The following MTA2 variants were observed in gnomAD, a reference collection of about 807,000 sequenced individuals.
MTA2 encodes metastasis-associated protein MTA2.
A neutral mutation model predicts 87.1 loss-of-function variants in MTA2; 22 were observed. The ratio of observed to expected loss-of-function variants is 0.25; its 90% CI spans 0.18 to 0.36. The LOEUF is 0.36. Among genes scored for constraint, MTA2 ranks in the 10% least tolerant of loss-of-function variants. MTA2 has a pLI of 1.00. For synonymous variants in MTA2, 314 were observed against 310.1 expected (o/e 1.01, Z -0.13); for missense variants, 542 against 853.2 (o/e 0.64, Z 4.54).
At chr11:62,597,769 CTT>C in intron 6 of MTA2, 57 bp from the exon 7 acceptor site, 2 of 1,415,510 alleles carry the variant, frequency 1.4e-6, no homozygotes, top group Non-Finnish European at 2.0e-6. Context: ...CAGTTGGTGT[CTT>C]TTCATTCACA....
Position 62,595,478 on chromosome 11 carries a change from CCTT to C in MTA2, c.1266_1268del (p.Arg423del), listed in dbSNP as rs1565043735. The C allele has an allele frequency of 6.2e-7, 1 of 1,614,064 alleles. No individual in the cohort carries two copies. Among genetic ancestry groups the C allele is most frequent in the South Asian group, 1.1e-5 (1 of 91,070 alleles). ...GAGCTTCAGGTCTGGATAAATGACC[CCTT>C]GAGTGTGGCTCCTAGAAGAAGAGCA... is the stretch of plus-strand genomic sequence containing the variant. On this transcript the variant is annotated inframe_deletion, in exon 14 of 18. Coordinates refer to ENST00000278823, the MANE Select transcript of MTA2 (RefSeq NM_004739.4). The surrounding 1 kb of genome is among the most constrained non-coding windows in gnomAD (Gnocchi z 4.9).
chr11:62,594,165 C>A, intron 17 of MTA2, 94 bp downstream of exon 17: 1 of 1,572,996 alleles, frequency 6.4e-7, no homozygotes, highest in Non-Finnish European at 8.6e-7. Context: ...CCTGCATCCA[C>A]AACTTTCCTG....
chr11:62,594,056 A>G lies in MTA2; in HGVS notation c.1842-16T>C, dbSNP rs1401678363. On this transcript the variant is annotated splice_polypyrimidine_tract_variant and intron_variant, in intron 17 of 17. Coordinates refer to ENST00000278823, the MANE Select transcript of MTA2 (RefSeq NM_004739.4). ...CCGTAGGGCCCTGGCCAGAAAGAGC[A>G]AGTGGGAAACAGAAAAGGCTTAGAG... 1.9e-6 allele frequency: 3 copies of G among 1,578,410 alleles called. No homozygotes were observed. The East Asian group carries it at 6.7e-5, about 35-fold the overall frequency.
chr11:62,594,929 C>A, intron 15 of MTA2, 52 bp downstream of exon 15: 1 of 1,504,166 alleles, frequency 6.6e-7, no homozygotes, highest in Non-Finnish European at 9.2e-7. Flanking sequence ...AGATGTCAGA[C>A]AGGGAAAGGA....
chr11:62,598,758 G>A, intron 3 of MTA2, 119 bp from the exon 4 acceptor site: 2 of 887,798 alleles, frequency 2.3e-6, no homozygotes, highest in South Asian at 1.5e-5. Flanking sequence ...ACATTTCCCA[G>A]GCGTCTGCCT....
chr11:62,596,839 G>A lies in MTA2; in HGVS notation c.694-14C>T, dbSNP rs745984758. 3 of 1,587,176 alleles carry A rather than the reference G, an allele frequency of 1.9e-6. No individual in the cohort carries two copies. The highest frequency in any genetic ancestry group is 1.8e-5 in the Admixed American group (1 of 55,488). ...CATGGCGTGAAACTATGGGGAAGAT[G>A]GAGAGCAACTGAGGACCTGAAACTT... On this transcript the variant is annotated splice_polypyrimidine_tract_variant and intron_variant, in intron 8 of 17. Transcript: ENST00000278823.
intron 15 of MTA2, 42 bp from the exon 16 acceptor site, chr11:62,594,676 C>T: frequency 3.8e-6 from 6 of 1,564,118 alleles, no homozygotes; most frequent in Non-Finnish European, 5.3e-6. Context: ...TCTTCCCACG[C>T]AGTTCCCCTT....
At position 62,593,681 on chromosome 11, in the gene MTA2, G is replaced by A. The variant is rs1043571261; in HGVS notation, c.*194C>T. On this transcript the variant is annotated 3_prime_UTR_variant, in exon 18 of 18. Coordinates refer to ENST00000278823, the MANE Select transcript of MTA2 (RefSeq NM_004739.4). ...AAGTTCCTGCAGTCTGTCCTCCATC[G>A]GCAAGCATGGAGGCATGAGACAAGT... The A allele has an allele frequency of 1.7e-5, 11 of 637,260 alleles. No homozygotes were observed. The highest frequency in any genetic ancestry group is 5.6e-5 in the African/African-American group (3 of 53,886). 39.5% of individuals were successfully genotyped at this position (637,260 alleles called of 1,614,324 possible).
chr11:62,594,684 CTT>C (rs746181132), intron 15 of MTA2, 50 bp from the exon 16 acceptor site: 19 of 1,520,548 alleles, frequency 1.2e-5, no homozygotes, highest in Admixed American at 6.8e-5. Context: ...CGCAGTTCCC[CTT>C]TGTTACTTCC....
rs1419246860 is a variant in MTA2 at position 62,601,624 on chromosome 11, C to T, written c.-174G>A. The T allele has an allele frequency of 1.5e-6, 1 of 655,352 alleles. No individual in the cohort carries two copies. The highest frequency in any genetic ancestry group is 2.4e-6 in the Non-Finnish European group (1 of 410,104). 40.6% of individuals were successfully genotyped at this position (655,352 alleles called of 1,614,324 possible). A position where few individuals can be genotyped will look rare whatever the true frequency, so the allele number is the denominator to read the frequency against. On this transcript the variant is annotated 5_prime_UTR_variant, in exon 1 of 18. Coordinates refer to ENST00000278823, the MANE Select transcript of MTA2 (RefSeq NM_004739.4). ...AGCCGTCGCGGTTCATCCCGGCCCG[C>T]GCTGTCGCCGCCGCAGCTATCGCCT...
intron 17 of MTA2, 100 bp downstream of exon 17, chr11:62,594,159 C>T: frequency 6.4e-7 from 1 of 1,567,224 alleles, no homozygotes; most frequent in Non-Finnish European, 8.7e-7. Flanking sequence ...CCCCACCCTG[C>T]ATCCACAACT....
Position 62,593,872 on chromosome 11 carries a change from TG to T in MTA2, c.*2del. ...TCAGCCCACCTCCCTTCCCCACAGG[TG>T]CTCAGTCCTCCAGGACAATAGGCTC... On this transcript the variant is annotated 3_prime_UTR_variant, in exon 18 of 18. Coordinates refer to ENST00000278823, the MANE Select transcript of MTA2 (RefSeq NM_004739.4). The T allele has an allele frequency of 6.2e-7, 1 of 1,614,004 alleles. No homozygotes were observed. Among genetic ancestry groups the T allele is most frequent in the Non-Finnish European group, 8.5e-7 (1 of 1,179,960 alleles).
At position 62,601,618 on chromosome 11, in the gene MTA2, G is replaced by A. The variant is rs1942203507; in HGVS notation, c.-168C>T. On this transcript the variant is annotated 5_prime_UTR_variant, in exon 1 of 18. Transcript: ENST00000278823. ...TGCCTCAGCCGTCGCGGTTCATCCC[G>A]GCCCGCGCTGTCGCCGCCGCAGCTA... 2 of 711,856 alleles carry A rather than the reference G, an allele frequency of 2.8e-6. No individual in the cohort carries two copies. The highest frequency in any genetic ancestry group is 1.9e-5 in the African/African-American group (1 of 52,576). 44.1% of individuals were successfully genotyped at this position (711,856 alleles called of 1,614,324 possible).
In MTA2 at chr11:62,593,699, A is replaced by G; in HGVS notation, c.*176T>C. 1.4e-6 allele frequency: 1 copy of G among 707,198 alleles called. No homozygotes were observed. The highest frequency in any genetic ancestry group is 2.3e-6 in the Non-Finnish European group (1 of 436,274). The allele number at this position is 707,198 out of a possible 1,614,324, so 43.8% of individuals were successfully genotyped here. ...CTCCATCGGCAAGCATGGAGGCATG[A>G]GACAAGTCTCGAGGTGGTAACACCA... On this transcript the variant is annotated 3_prime_UTR_variant, in exon 18 of 18. Coordinates refer to ENST00000278823, the MANE Select transcript of MTA2 (RefSeq NM_004739.4).
rs1942060581 is a variant in MTA2 at position 62,593,950 on chromosome 11, T to C, written c.1932A>G (p.Ala644=). Residue 644 remains alanine, a synonymous_variant, in exon 18 of 18, where the codon GCA becomes GCG. Coordinates refer to ENST00000278823, the MANE Select transcript of MTA2 (RefSeq NM_004739.4). ...LPLKVKPTLI[A]VRPPVPLPAP... ...CAGGTAGAGGGACAGGGGGCCGCAC[T>C]GCAATCAGCGTTGGCTTCACCTTCA... 2 of 1,614,154 alleles carry C rather than the reference T, an allele frequency of 1.2e-6. No individual in the cohort carries two copies. Among genetic ancestry groups the C allele is most frequent in the East Asian group, 4.5e-5 (2 of 44,874 alleles).
Position 62,601,790 on chromosome 11 carries a change from G to C in MTA2, c.-340C>G. On this transcript the variant is annotated 5_prime_UTR_variant, in exon 1 of 18. Transcript: ENST00000278823. ...GTCGTTGGGCTCTGCCGGCCGCAGG[G>C]AAGGCTTGCCGGGCCCGCCTCAGGG... 5.9e-6 allele frequency: 3 copies of C among 505,568 alleles called. No homozygotes were observed. Among genetic ancestry groups the C allele is most frequent in the Admixed American group, 8.2e-5 (2 of 24,286 alleles). The allele number at this position is 505,568 out of a possible 1,614,324, so 31.3% of individuals were successfully genotyped here. A position where few individuals can be genotyped will look rare whatever the true frequency, so the allele number is the denominator to read the frequency against.
chr11:62,595,107 C>T lies in MTA2; in HGVS notation c.1484-37G>A. 1 of 1,602,660 alleles carries T rather than the reference C, an allele frequency of 6.2e-7. No homozygotes were observed. ...AGAAGAAAGCTTCTGAAGGGCTTCA[C>T]CATTCAGGTCTCCTCTAAGGCCAGA... On this transcript the variant is annotated intron_variant, in intron 14 of 17. Coordinates refer to ENST00000278823, the MANE Select transcript of MTA2 (RefSeq NM_004739.4). This position sits in a 1 kb window ranked among gnomAD's most constrained non-coding sequence, Gnocchi z 4.9.
rs552048908 is a variant in MTA2, at chr11:62,595,481, T to C, written c.1266A>G (p.Ser422=). 26 of 1,614,184 alleles carry C rather than the reference T, an allele frequency of 1.6e-5. No individual in the cohort carries two copies. Among genetic ancestry groups the C allele is most frequent in the Admixed American group, 3.3e-5 (2 of 60,024 alleles). Residue 422 remains serine (S), a synonymous_variant, in exon 14 of 18, where the codon TCA becomes TCG. Transcript: ENST00000278823. This position sits in a 1 kb window ranked among gnomAD's most constrained non-coding sequence, Gnocchi z 4.9. ...CTTCAGGTCTGGATAAATGACCCCT[T>C]GAGTGTGGCTCCTAGAAGAAGAGCA... ...GATRGTTEPH[S]RGHLSRPEAQ...
chr11:62,600,468 G>C lies in MTA2; in HGVS notation c.96+154C>G, dbSNP rs185165508. 178 of 841,696 alleles carry C rather than the reference G, an allele frequency of 2.1e-4. 1 individual carries two copies. The highest frequency in any genetic ancestry group is 1.8e-3 in the East Asian group (66 of 37,564). 52.1% of individuals were successfully genotyped at this position (841,696 alleles called of 1,614,324 possible). On this transcript the variant is annotated intron_variant, in intron 2 of 17. Coordinates refer to ENST00000278823, the MANE Select transcript of MTA2 (RefSeq NM_004739.4). ...CAAGAGACAGAATAGTAAAGTTCCT[G>C]CTAACCTCTCAATAGCCTTTCCTGA...
Sources: gnomAD v4.1 joint callset for allele counts on GRCh38, gnomAD v4.1.1 for gene constraint, Gnocchi (gnomAD v3.1) non-coding constraint, MANE v1.5 for transcripts, NCBI Gene and HGNC (gene_info 2026-07-23, HGNC 2026-07-21) for gene names.